The following ZNF423 variants were observed in gnomAD, a reference collection of about 807,000 sequenced individuals.
ZNF423 encodes the protein zinc finger protein 423, also known as Ebf-associated zinc finger protein.
A neutral mutation model predicts 95.8 loss-of-function variants in ZNF423; 12 were observed. The ratio of observed to expected loss-of-function variants is 0.13; its 90% CI spans 0.08 to 0.20. The LOEUF is 0.20. Ranked by LOEUF, ZNF423 falls within the 10% of genes least tolerant of loss-of-function variation. The probability of loss-of-function intolerance (pLI) is 1.00; values close to 1 mark genes in which losing one functional copy is unlikely to be tolerated. For missense variants in ZNF423, 1,316 were observed against 1,737.1 expected (o/e 0.76, Z 4.31); for synonymous variants, 749 against 711.9 (o/e 1.05, Z -0.83).
intron 2 of ZNF423, among the ~76,000 whole-genome samples, chr16:49,786,313 TGGCCAGGGGA>T (rs1284110044): frequency 2.0e-5 from 3 of 152,152 alleles, no homozygotes; most frequent in Non-Finnish European, 4.4e-5. Flanking sequence ...ACTGGCAGGG[TGGCCAGGGGA>T]GGCCAGGGGT....
intron 1 of ZNF423, among the ~76,000 whole-genome samples, chr16:49,827,991 C>T (rs1331207104): frequency 6.6e-6 from 1 of 152,210 alleles, no homozygotes; most frequent in African/African-American, 2.4e-5. Flanking sequence ...CTAGTATGAA[C>T]TGCTAAAAGA....
chr16:49,562,065 A>C lies in ZNF423; in HGVS notation c.3602-36571T>G, dbSNP rs534347479. On this transcript the variant is annotated intron_variant, in intron 5 of 7. Coordinates refer to ENST00000563137, the MANE Select transcript of ZNF423 (RefSeq NM_001379286.1). ...AGACAGAATTTATCCTACTAGTTTA[A>C]TGGTGCTGTGAGAAGCTGTAGACAT... 9.2e-5 allele frequency among the ~76,000 whole-genome samples: 14 copies of C among 152,328 alleles called. No individual in the cohort carries two copies. The East Asian group carries it at 2.3e-3, about 25-fold the overall frequency.
At chr16:49,508,179 AG>A (rs1967729710) in intron 7 of ZNF423, among the ~76,000 whole-genome samples, 1 of 152,176 alleles carries the variant, frequency 6.6e-6, no homozygotes. Context: ...GCACTCAAAA[AG>A]CACTAGCTAA....
intron 2 of ZNF423, among the ~76,000 whole-genome samples, chr16:49,740,985 G>C (rs1390821728): frequency 6.6e-6 from 1 of 152,152 alleles, no homozygotes; most frequent in Non-Finnish European, 1.5e-5. Flanking sequence ...CTATTTTACA[G>C]ACGGCAAAAC....
intron 3 of ZNF423, among the ~76,000 whole-genome samples, chr16:49,662,808 G>A (rs983255880): frequency 2.0e-5 from 3 of 152,168 alleles, no homozygotes; most frequent in Non-Finnish European, 4.4e-5. Flanking sequence ...GATCTAGCAG[G>A]TGCAAGCACC....
At chr16:49,568,323 G>A (rs1040769809) in intron 5 of ZNF423, among the ~76,000 whole-genome samples, 4 of 152,162 alleles carry the variant, frequency 2.6e-5, no homozygotes, top group African/African-American at 7.2e-5. Context: ...GTACCATACT[G>A]CAAGGGTTTT....
intron 7 of ZNF423, among the ~76,000 whole-genome samples, chr16:49,504,701 G>T (rs917312959): frequency 6.6e-6 from 1 of 152,184 alleles, no homozygotes; most frequent in African/African-American, 2.4e-5. Flanking sequence ...ATAGCAGCCC[G>T]AGACATCCTC....
intron 7 of ZNF423, among the ~76,000 whole-genome samples, chr16:49,503,048 G>T (rs972557744): frequency 9.3e-5 from 14 of 150,618 alleles, no homozygotes; most frequent in Non-Finnish European, 2.1e-4. Context: ...CACACTCATG[G>T]ATACCCTCGA....
intron 1 of ZNF423, among the ~76,000 whole-genome samples, chr16:49,829,650 T>C (rs1163805008): frequency 1.3e-5 from 2 of 152,078 alleles, no homozygotes; most frequent in Non-Finnish European, 2.9e-5. Context: ...GGTTCACCAC[T>C]GCATGCCCTA....
chr16:49,844,468 G>A (rs534571037), intron 1 of ZNF423, among the ~76,000 whole-genome samples: 22 of 152,218 alleles, frequency 1.4e-4, no homozygotes, highest in African/African-American at 5.1e-4. Context: ...CTCCCAGCCG[G>A]GTGTCCTGCA....
intron 3 of ZNF423, among the ~76,000 whole-genome samples, chr16:49,721,650 C>T (rs908485246): frequency 3.3e-5 from 5 of 152,094 alleles, no homozygotes; most frequent in African/African-American, 4.8e-5. Context: ...TCGTGCCAGG[C>T]GCCACACTGG....
intron 3 of ZNF423, among the ~76,000 whole-genome samples, chr16:49,683,136 G>A (rs2031433726): frequency 6.6e-6 from 1 of 152,146 alleles, no homozygotes; most frequent in Non-Finnish European, 1.5e-5. Context: ...GGGGTGCCTG[G>A]CGTCTGCCTC....
At chr16:49,830,570 G>C (rs2035050853) in intron 1 of ZNF423, among the ~76,000 whole-genome samples, 1 of 152,186 alleles carries the variant, frequency 6.6e-6, no homozygotes, top group South Asian at 2.1e-4. Flanking sequence ...ACAAGGGAGG[G>C]AACATGGGGA....
intron 3 of ZNF423, among the ~76,000 whole-genome samples, chr16:49,702,909 GCACACACACACACA>G (rs66522223): frequency 5.4e-5 from 8 of 147,644 alleles, no homozygotes; most frequent in South Asian, 2.2e-4. Flanking sequence ...GTGTGCACAC[GCACACACACACACA>G]CACACACACA....
intron 3 of ZNF423, among the ~76,000 whole-genome samples, chr16:49,717,655 A>G (rs936117648): frequency 2.6e-5 from 4 of 152,122 alleles, no homozygotes; most frequent in Non-Finnish European, 5.9e-5. Context: ...CTAGGTTTCT[A>G]TTTACATGAG....
At chr16:49,577,911 T>C (rs1970549596) in intron 5 of ZNF423, among the ~76,000 whole-genome samples, 1 of 152,166 alleles carries the variant, frequency 6.6e-6, no homozygotes, top group South Asian at 2.1e-4. Context: ...CCTCTGAAAC[T>C]CTGCACTCAC....
intron 3 of ZNF423, among the ~76,000 whole-genome samples, chr16:49,677,121 G>C (rs1222638301): frequency 6.6e-6 from 1 of 150,698 alleles, no homozygotes; most frequent in Non-Finnish European, 1.5e-5. Context: ...AGAAGGCTGA[G>C]GCAGGAGAAT....
At chr16:49,858,453 C>T (rs1200129119), upstream of ZNF423, among the ~76,000 whole-genome samples, 1 of 150,214 alleles carries the variant, frequency 6.7e-6, no homozygotes, top group Non-Finnish European at 1.5e-5. The surrounding 1 kb of genome is among the most constrained non-coding windows in gnomAD (Gnocchi z 4.3). Context: ...GGCAGGGGGG[C>T]CAGGCGCGCG....
intron 5 of ZNF423, among the ~76,000 whole-genome samples, chr16:49,620,240 C>T (rs1972023698): frequency 6.6e-6 from 1 of 151,734 alleles, no homozygotes; most frequent in East Asian, 1.9e-4. Flanking sequence ...CACACAGACA[C>T]ATACACACAC....
Sources: allele counts gnomAD v4.1 joint callset (sites outside exome capture counted in the v4.1 genomes callset), GRCh38; gene constraint gnomAD v4.1.1; non-coding constraint Gnocchi (gnomAD v3.1); transcripts MANE v1.5; gene names NCBI Gene and HGNC (gene_info 2026-07-23, HGNC 2026-07-21).